XPR1: variants seen among roughly 807,000 people sequenced by gnomAD.
XPR1 encodes the protein solute carrier family 53 member 1.
Under a neutral mutation model 87.5 loss-of-function variants are expected in XPR1, and 28 were observed. The ratio of observed to expected loss-of-function variants is 0.32; its 90% CI spans 0.24 to 0.44. XPR1 has a LOEUF of 0.44. Ranked by LOEUF, XPR1 falls within the 20% of genes least tolerant of loss-of-function variation. The pLI is 1.00. For missense variants in XPR1, 559 were observed against 862.3 expected, an observed-to-expected ratio of 0.65 and a Z score of 4.41; for synonymous variants, 300 against 306.1, an observed-to-expected ratio of 0.98 and a Z score of 0.21.
chr1:180,698,880 G>C (rs1177758250), intron 2 of XPR1, among the ~76,000 whole-genome samples: 1 of 152,110 alleles, frequency 6.6e-6, no homozygotes. Flanking sequence ...TCTGCTGTTA[G>C]TCTGATGGTA....
chr1:180,759,078 GAC>G (rs1295965255), intron 2 of XPR1, among the ~76,000 whole-genome samples: 2 of 152,126 alleles, frequency 1.3e-5, no homozygotes, highest in Non-Finnish European at 2.9e-5. Context: ...TGAGAACAAA[GAC>G]ACAACATACC....
chr1:180,632,342 C>T, intron 1 of XPR1, 72 bp downstream of exon 1: 3 of 1,538,790 alleles, frequency 1.9e-6, no homozygotes, highest in Non-Finnish European at 2.7e-6. Flanking sequence ...TCCACCGCCG[C>T]CTTCCGCTTC....
intron 4 of XPR1, among the ~76,000 whole-genome samples, chr1:180,803,910 G>C (rs1649885372): frequency 6.6e-6 from 1 of 152,044 alleles, no homozygotes; most frequent in Non-Finnish European, 1.5e-5. Flanking sequence ...AGGCAGCTCT[G>C]ATAGTCATGA....
chr1:180,638,305 T>C (rs1312580334), intron 1 of XPR1, among the ~76,000 whole-genome samples: 1 of 152,192 alleles, frequency 6.6e-6, no homozygotes, highest in Non-Finnish European at 1.5e-5. Flanking sequence ...TATGCATATA[T>C]TGGAGATACA....
chr1:180,695,442 A>G (rs59745765), intron 2 of XPR1, among the ~76,000 whole-genome samples: 3,255 of 49,700 alleles, frequency 0.065, 372 homozygotes, highest in East Asian at 0.53. Flanking sequence ...GTGTGTGTGT[A>G]TGCGCGCGCA....
intron 2 of XPR1, among the ~76,000 whole-genome samples, chr1:180,710,202 A>AT (rs1657714432): frequency 7.1e-6 from 1 of 141,652 alleles, no homozygotes; most frequent in South Asian, 2.2e-4. Context: ...TGTTTAATTT[A>AT]GTTTTTTTTT....
At chr1:180,804,889 G>A (rs1308850873) in intron 4 of XPR1, among the ~76,000 whole-genome samples, 2 of 151,922 alleles carry the variant, frequency 1.3e-5, no homozygotes, top group Admixed American at 6.6e-5. Context: ...TTCCTATAAT[G>A]GTATAGCAAC....
chr1:180,744,811 T>C (rs955021577), intron 2 of XPR1, among the ~76,000 whole-genome samples: 5 of 151,794 alleles, frequency 3.3e-5, no homozygotes, highest in African/African-American at 1.2e-4. Context: ...CCACCACACC[T>C]GGCTAGTTTT....
Position 180,824,756 on chromosome 1 carries a change from T to C in XPR1, c.767T>C (p.Val256Ala). The C allele has an allele frequency of 6.2e-7, 1 of 1,606,488 alleles. No individual in the cohort carries two copies. The highest frequency in any genetic ancestry group is 8.5e-7 in the Non-Finnish European group (1 of 1,177,618). The part of the protein sequence containing the change: ...VLNITLVLAA[V>A]FKLETDRSIW... The stretch of plus-strand genomic sequence containing the variant: ...CAATATCTTAATATTCTTTCAGCTG[T>C]ATTTAAACTTGAAACAGATAGAAGT... Residue 256 changes from valine to alanine, a missense_variant, in exon 8 of 15, where the codon GTA becomes GCA. Physicochemically the swap from Val to Ala is moderately conservative, Grantham distance 64 (BLOSUM62 0). Transcript: ENST00000367590.
At chr1:180,684,190 G>A (rs897053728) in intron 2 of XPR1, among the ~76,000 whole-genome samples, 4 of 152,192 alleles carry the variant, frequency 2.6e-5, no homozygotes, top group African/African-American at 4.8e-5. Flanking sequence ...CATATGGCTA[G>A]CCAGTTTTCC....
intron 11 of XPR1, among the ~76,000 whole-genome samples, chr1:180,853,597 C>T (rs2102193348): frequency 6.7e-6 from 1 of 148,958 alleles, no homozygotes; most frequent in Admixed American, 6.8e-5. Flanking sequence ...GAAAACTGGA[C>T]AGTTTGGGTA....
rs114747108 is a variant in XPR1, at chr1:180,634,707, T to C, written c.69+2437T>C. ...TTGGTTTCTAGCCTAGGGTGCTTTC[T>C]AGTATCGTGAATCAATGTGAACTGT... On this transcript the variant is annotated intron_variant, in intron 1 of 14. Coordinates refer to ENST00000367590, the MANE Select transcript of XPR1 (RefSeq NM_004736.4). Among the ~76,000 whole-genome samples the C allele has an allele frequency of 1.3e-3, 198 of 152,278 alleles. 1 individual carries two copies. The highest frequency in any genetic ancestry group is 3.4e-3 in the Middle Eastern group (1 of 294).
chr1:180,676,153 T>A (rs1241164425), intron 1 of XPR1, among the ~76,000 whole-genome samples: 1 of 152,214 alleles, frequency 6.6e-6, no homozygotes, highest in African/African-American at 2.4e-5. Context: ...TTTATGTGTA[T>A]TACATATCAG....
At chr1:180,690,161 A>T (rs1345542966) in intron 2 of XPR1, among the ~76,000 whole-genome samples, 2 of 152,132 alleles carry the variant, frequency 1.3e-5, no homozygotes, top group Non-Finnish European at 2.9e-5. Flanking sequence ...GTCTAAAAAA[A>T]AAAAAAAAGT....
chr1:180,764,153 G>A (rs1194135486), intron 2 of XPR1, among the ~76,000 whole-genome samples: 3 of 152,160 alleles, frequency 2.0e-5, no homozygotes, highest in Non-Finnish European at 4.4e-5. Context: ...TCATTTACAT[G>A]GGTGGCTGAG....
At chr1:180,694,691 AC>A (rs1657102623) in intron 2 of XPR1, among the ~76,000 whole-genome samples, 2 of 151,922 alleles carry the variant, frequency 1.3e-5, no homozygotes, top group Admixed American at 6.6e-5. Flanking sequence ...TGTATAAAGA[AC>A]CCCATTTTTC....
intron 12 of XPR1, among the ~76,000 whole-genome samples, chr1:180,866,154 G>C (rs766592407): frequency 1.2e-4 from 18 of 152,118 alleles, no homozygotes; most frequent in Admixed American, 5.2e-4. Context: ...CAAGACTGCA[G>C]TGGGCTATGT....
chr1:180,806,157 G>A lies in XPR1; in HGVS notation c.543G>A (p.Glu181=), dbSNP rs1283277801. 11 of 1,613,656 alleles carry A rather than the reference G, an allele frequency of 6.8e-6. No homozygotes were observed. The highest frequency in any genetic ancestry group is 9.3e-6 in the Non-Finnish European group (11 of 1,179,688). Residue 181 remains glutamate (E), a synonymous_variant, in exon 5 of 15, where the codon GAG becomes GAA. Coordinates refer to ENST00000367590, the MANE Select transcript of XPR1 (RefSeq NM_004736.4). The part of the protein sequence containing the change: ...RGADWRVAHV[E]VAPFYTCKKI... ...CAGATTGGCGAGTGGCTCACGTAGA[G>A]GTGGCCCCATTTTATACATGCAAGA...
At chr1:180,665,892 A>G (rs1034035029) in intron 1 of XPR1, among the ~76,000 whole-genome samples, 1 of 151,810 alleles carries the variant, frequency 6.6e-6, no homozygotes, top group African/African-American at 2.4e-5. Flanking sequence ...ATTAAATTTG[A>G]TGTTCCTGTG....
Sources: gnomAD v4.1 joint callset for allele counts (sites outside exome capture counted in the v4.1 genomes callset) on GRCh38, gnomAD v4.1.1 for gene constraint, MANE v1.5 for transcripts, NCBI Gene and HGNC (gene_info 2026-07-23, HGNC 2026-07-21) for gene names.